The following STAB2 variants were observed in gnomAD, a reference collection of about 807,000 sequenced individuals.
STAB2 encodes stabilin 2, also known as stabilin-2.
Under a neutral mutation model 338.1 loss-of-function variants are expected in STAB2, and 288 were observed. The ratio of observed to expected loss-of-function variants is 0.85; its 90% CI spans 0.77 to 0.94. STAB2 has a LOEUF of 0.94. STAB2 is among the 40% of genes least tolerant of loss of function. STAB2 has a pLI of 0.00. For synonymous variants in STAB2, 1,202 were observed against 1,193.3 expected (o/e 1.01, Z -0.15); for missense variants, 3,141 against 3,210.1 (o/e 0.98, Z 0.52).
At chr12:103,654,878 G>T in intron 13 of STAB2, 180 bp downstream of exon 13, 1 of 762,524 alleles carries the variant, frequency 1.3e-6, no homozygotes, top group South Asian at 2.6e-5. Flanking sequence ...TCTGCAGAAA[G>T]AAAGCAAGAC....
At chr12:103,749,672 A>ATT (rs1883417034) in intron 59 of STAB2, among the ~76,000 whole-genome samples, 1 of 132,600 alleles carries the variant, frequency 7.5e-6, no homozygotes, top group South Asian at 2.3e-4. Flanking sequence ...TACTAAAAAA[A>ATT]TGCAAAAAAA....
At chr12:103,704,044 T>C (rs952509025) in intron 35 of STAB2, among the ~76,000 whole-genome samples, 5 of 152,222 alleles carry the variant, frequency 3.3e-5, no homozygotes, top group Admixed American at 2.0e-4. Flanking sequence ...CACATTATCC[T>C]GTCTGGTAGG....
At chr12:103,750,402 T>C (rs1419272792) in intron 59 of STAB2, among the ~76,000 whole-genome samples, 177 bp from the exon 60 acceptor site, 2 of 152,154 alleles carry the variant, frequency 1.3e-5, no homozygotes, top group African/African-American at 4.8e-5. Context: ...AGGATGAGGT[T>C]TCATCATAAG....
At chr12:103,696,167 G>T (rs562569783) in intron 33 of STAB2, among the ~76,000 whole-genome samples, 1 of 152,204 alleles carries the variant, frequency 6.6e-6, no homozygotes, top group Admixed American at 6.5e-5. Context: ...GGCCTGTTTA[G>T]GATCTATCTA....
At chr12:103,680,364 A>G (rs757895850) in intron 25 of STAB2, among the ~76,000 whole-genome samples, 30 of 152,240 alleles carry the variant, frequency 2.0e-4, no homozygotes, top group Non-Finnish European at 3.7e-4. Context: ...TTTGGCCCAC[A>G]TGACTCTAAA....
intron 37 of STAB2, among the ~76,000 whole-genome samples, chr12:103,706,153 A>AGAAC (rs1879330995): frequency 6.6e-6 from 1 of 152,208 alleles, no homozygotes; most frequent in East Asian, 1.9e-4. Context: ...AAAAGTCATG[A>AGAAC]GAACTTCCTG....
chr12:103,697,537 A>C (rs1412831868), intron 33 of STAB2, among the ~76,000 whole-genome samples: 1 of 152,232 alleles, frequency 6.6e-6, no homozygotes, highest in Non-Finnish European at 1.5e-5. Flanking sequence ...GCTAAGTAAA[A>C]ATAAAGAATC....
At chr12:103,623,979 C>T (rs1593154137) in intron 5 of STAB2, among the ~76,000 whole-genome samples, 1 of 152,138 alleles carries the variant, frequency 6.6e-6, no homozygotes, top group Non-Finnish European at 1.5e-5. Flanking sequence ...GCTAGATCCA[C>T]GTCTCCCAAA....
chr12:103,655,771 T>G (rs972392617), intron 15 of STAB2, among the ~76,000 whole-genome samples, 190 bp downstream of exon 15: 3 of 152,188 alleles, frequency 2.0e-5, no homozygotes, highest in Non-Finnish European at 4.4e-5. Context: ...GTGGCTTCAG[T>G]CTCTTCGATA....
intron 44 of STAB2, 66 bp from the exon 45 acceptor site, chr12:103,724,909 A>T (rs2270486): frequency 0.04 from 62,931 of 1,581,892 alleles, 1,590 homozygotes; most frequent in Admixed American, 0.1. Flanking sequence ...TGCTTTGTAA[A>T]TATCGGTAGA....
intron 52 of STAB2, among the ~76,000 whole-genome samples, chr12:103,737,225 T>G (rs973681457): frequency 6.6e-6 from 1 of 152,152 alleles, no homozygotes; most frequent in African/African-American, 2.4e-5. Context: ...GTAGAGGAAG[T>G]GAAGCAGAGG....
At chr12:103,675,048 T>C (rs1233923912) in intron 23 of STAB2, among the ~76,000 whole-genome samples, 1 of 152,220 alleles carries the variant, frequency 6.6e-6, no homozygotes, top group African/African-American at 2.4e-5. Flanking sequence ...TCAAACATTA[T>C]TGGAACAGAT....
At chr12:103,647,030 A>C (rs992981074) in intron 9 of STAB2, among the ~76,000 whole-genome samples, 8 of 152,208 alleles carry the variant, frequency 5.3e-5, no homozygotes, top group Non-Finnish European at 2.9e-5. Flanking sequence ...GCGCTGCTGG[A>C]ATTTTCAGTG....
intron 61 of STAB2, chr12:103,755,091 A>T (rs1340322113): frequency 8.5e-6 from 5 of 591,536 alleles, no homozygotes; most frequent in Non-Finnish European, 1.5e-5. Context: ...CTGGGCACCT[A>T]CAAGAAAGAG....
chr12:103,731,488 C>A, intron 49 of STAB2, 88 bp from the exon 50 acceptor site: 3 of 1,401,508 alleles, frequency 2.1e-6, no homozygotes, highest in East Asian at 4.8e-5. Context: ...GGTTATGTTA[C>A]CTTTACTTTT....
At chr12:103,698,243 G>A (rs1004541084) in intron 33 of STAB2, among the ~76,000 whole-genome samples, 1 of 152,182 alleles carries the variant, frequency 6.6e-6, no homozygotes, top group Non-Finnish European at 1.5e-5. Context: ...CAAGCAGAGT[G>A]TAGGAGGTGG....
chr12:103,623,463 AGGAT>A, intron 5 of STAB2, among the ~76,000 whole-genome samples: 1 of 152,314 alleles, frequency 6.6e-6, no homozygotes, highest in African/African-American at 2.4e-5. Flanking sequence ...GGGGTCCTTA[AGGAT>A]GGAGAAGGGA....
intron 65 of STAB2, among the ~76,000 whole-genome samples, chr12:103,760,764 AAATGATTTCTATTT>A (rs1216793083): frequency 3.3e-5 from 5 of 152,220 alleles, no homozygotes; most frequent in Non-Finnish European, 5.9e-5. Flanking sequence ...TTATCTCATT[AAATGATTTCTATTT>A]AAGAGCAGTT....
intron 25 of STAB2, among the ~76,000 whole-genome samples, chr12:103,682,582 G>A (rs1288749997): frequency 6.8e-6 from 1 of 146,880 alleles, no homozygotes; most frequent in Non-Finnish European, 1.5e-5. Context: ...TAGGTAGAAG[G>A]GCCATCCAAT....
Sources: allele counts gnomAD v4.1 joint callset (sites outside exome capture counted in the v4.1 genomes callset), GRCh38; gene constraint gnomAD v4.1.1; transcripts MANE v1.5; gene names NCBI Gene and HGNC (gene_info 2026-07-23, HGNC 2026-07-21).